ARGFX: variants seen among roughly 807,000 people sequenced by gnomAD.
The protein encoded by ARGFX is arginine-fifty homeobox.
ARGFX carries 10 observed loss-of-function variants against 8.0 expected under a neutral mutation model. That is an observed-to-expected ratio of 1.25 (90% confidence interval 0.77 to 2.12). The LOEUF is 2.12. Among genes scored for constraint, ARGFX ranks in the 30% most tolerant of loss-of-function variants. ARGFX has a pLI of 0.00. For synonymous variants in ARGFX, 116 were observed against 117.8 expected, an observed-to-expected ratio of 0.98 and a Z score of 0.10; for missense variants, 282 against 324.3, an observed-to-expected ratio of 0.87 and a Z score of 1.00.
intron 3 of ARGFX, among the ~76,000 whole-genome samples, chr3:121,581,861 C>G (rs956626733): frequency 4.6e-5 from 7 of 151,992 alleles, no homozygotes; most frequent in Admixed American, 1.3e-4. Flanking sequence ...TATAATCAAG[C>G]AACTGCACTG....
Position 121,570,787 on chromosome 3 carries a change from T to C in ARGFX, c.74T>C (p.Val25Ala), listed in dbSNP as rs529810537. The C allele has an allele frequency of 6.2e-7, 1 of 1,607,274 alleles. No individual in the cohort carries two copies. Among genetic ancestry groups the C allele is most frequent in the Non-Finnish European group, 8.5e-7 (1 of 1,177,156 alleles). Residue 25 changes from valine (V) to alanine (A), a missense_variant, in exon 2 of 5, where the codon GTG becomes GCG. Transcript: ENST00000334384. ...AATAGGAATTATTCCAACATGAAGGTGATACCACCACAGGATCCAGCTAGT... is the reference window on the plus strand; with the variant it reads ...AATAGGAATTATTCCAACATGAAGGCGATACCACCACAGGATCCAGCTAGT... ...FINRNYSNMK[V>A]IPPQDPASPS...
intron 3 of ARGFX, among the ~76,000 whole-genome samples, chr3:121,578,120 C>CTTTTTT (rs35072728): frequency 1.8e-5 from 2 of 113,078 alleles, no homozygotes; most frequent in Non-Finnish European, 3.5e-5. Flanking sequence ...CCCTACCCCA[C>CTTTTTT]TTTTTTTTTT....
chr3:121,585,008 T>C lies in ARGFX; in HGVS notation c.312T>C (p.Asp104=). Residue 104 remains aspartate, a synonymous_variant, in exon 4 of 5, where the codon GAT becomes GAC. Coordinates refer to ENST00000334384, the MANE Select transcript of ARGFX (RefSeq NM_001012659.2). ...EALFSQTMFP[D]RNLQEKLALR... ...TGTTTAGCCAGACCATGTTCCCAGA[T>C]AGAAATCTTCAGGAGAAACTAGCTT... 1.2e-6 allele frequency: 2 copies of C among 1,614,020 alleles called. No individual in the cohort carries two copies. The highest frequency in any genetic ancestry group is 1.7e-6 in the Non-Finnish European group (2 of 1,179,992).
In ARGFX at chr3:121,577,321, T is replaced by C. The variant is rs149317296; in HGVS notation, c.220+421T>C. ...CAGGCTGGAGTGCAGTGGCGTGGTC[T>C]TGGCTCACTGCAACCTCCACCTCCT... On this transcript the variant is annotated intron_variant, in intron 3 of 4. Transcript: ENST00000334384. Among the ~76,000 whole-genome samples the C allele has an allele frequency of 1.9e-4, 28 of 148,796 alleles. No homozygotes were observed. In the East Asian group the frequency reaches 4.8e-3, roughly 26 times the overall value.
Position 121,590,277 on chromosome 3 carries a change from G to A in ARGFX, c.*3677G>A, listed in dbSNP as rs6783657. ...TGAATGTGTCCCCCACAGCTCATGCGTTGGAAACTTAATCCCCAAAGCAAC... is the reference window on the plus strand; with the variant it reads ...TGAATGTGTCCCCCACAGCTCATGCATTGGAAACTTAATCCCCAAAGCAAC... On this transcript the variant is annotated 3_prime_UTR_variant, in exon 5 of 5. Coordinates refer to ENST00000334384, the MANE Select transcript of ARGFX (RefSeq NM_001012659.2). Among the ~76,000 whole-genome samples the A allele has an allele frequency of 0.1, 15,403 of 152,214 alleles. 1,679 individuals carry two copies. The highest frequency in any genetic ancestry group is 0.58 in the East Asian group (2,994 of 5,174).
In ARGFX at chr3:121,588,311, C is replaced by CAAAAA. The variant is rs756800220; in HGVS notation, c.*1727_*1731dup. On this transcript the variant is annotated 3_prime_UTR_variant, in exon 5 of 5. Coordinates refer to ENST00000334384, the MANE Select transcript of ARGFX (RefSeq NM_001012659.2). The stretch of plus-strand genomic sequence containing the variant: ...TGAAATCCCGTCTCTACTAAAAATA[C>CAAAAA]AAAAAAAAAAAAAAAAAAAAGCCAG... Among the ~76,000 whole-genome samples, 8 of 51,486 alleles carry CAAAAA rather than the reference C, an allele frequency of 1.6e-4. No individual in the cohort carries two copies. Among genetic ancestry groups the CAAAAA allele is most frequent in the Admixed American group, 5.5e-4 (2 of 3,606 alleles). 33.8% of individuals were successfully genotyped at this position (51,486 alleles called of 152,430 possible).
rs749911298 is a variant in ARGFX at position 121,589,108 on chromosome 3, G to A, written c.*2508G>A. On this transcript the variant is annotated 3_prime_UTR_variant, in exon 5 of 5. Transcript: ENST00000334384. ...GAGCATCCCTTGAGCCACAGAGGTCGAGGCTGCAGTGAGCTGTGACTGTGC... is the reference window on the plus strand; with the variant it reads ...GAGCATCCCTTGAGCCACAGAGGTCAAGGCTGCAGTGAGCTGTGACTGTGC... 2.0e-5 allele frequency among the ~76,000 whole-genome samples: 3 copies of A among 152,104 alleles called. No homozygotes were observed. The highest frequency in any genetic ancestry group is 4.8e-5 in the African/African-American group (2 of 41,420).
rs756800220 is a variant in ARGFX at position 121,588,311 on chromosome 3, C to CAAAAAAAAAAAAA, written c.*1719_*1731dup. ...TGAAATCCCGTCTCTACTAAAAATA[C>CAAAAAAAAAAAAA]AAAAAAAAAAAAAAAAAAAAGCCAG... On this transcript the variant is annotated 3_prime_UTR_variant, in exon 5 of 5. Coordinates refer to ENST00000334384, the MANE Select transcript of ARGFX (RefSeq NM_001012659.2). Among the ~76,000 whole-genome samples the CAAAAAAAAAAAAA allele has an allele frequency of 1.9e-5, 1 of 51,488 alleles. No individual in the cohort carries two copies. The highest frequency in any genetic ancestry group is 5.6e-5 in the African/African-American group (1 of 17,890). 33.8% of individuals were successfully genotyped at this position (51,488 alleles called of 152,430 possible).
In ARGFX at chr3:121,590,506, T is replaced by G. The variant is rs2048837790; in HGVS notation, c.*3906T>G. Among the ~76,000 whole-genome samples the G allele has an allele frequency of 1.3e-5, 2 of 148,370 alleles. No individual in the cohort carries two copies. The highest frequency in any genetic ancestry group is 1.5e-5 in the Non-Finnish European group (1 of 67,088). The stretch of plus-strand genomic sequence containing the variant: ...CTCTTACCTCCTCCTCTCCCTTCCT[T>G]CTGCCATGGGAGGATGAAACATGAA... On this transcript the variant is annotated 3_prime_UTR_variant, in exon 5 of 5. Transcript: ENST00000334384.
At position 121,585,031 on chromosome 3, in the gene ARGFX, C is replaced by G; in HGVS notation, c.335C>G (p.Ala112Gly). ...FPDRNLQEKL[A>G]LRLDLPESTV... The stretch of plus-strand genomic sequence containing the variant: ...GATAGAAATCTTCAGGAGAAACTAG[C>G]TTTGAGACTCGACCTACCGGAGTCA... Residue 112 changes from alanine to glycine, a missense_variant, in exon 4 of 5, where the codon GCT (alanine) becomes GGT (glycine). Transcript: ENST00000334384. 1 of 1,613,974 alleles carries G rather than the reference C, an allele frequency of 6.2e-7. No homozygotes were observed. Among genetic ancestry groups the G allele is most frequent in the Non-Finnish European group, 8.5e-7 (1 of 1,179,974 alleles).
intron 3 of ARGFX, among the ~76,000 whole-genome samples, chr3:121,577,169 A>G (rs1468865820): frequency 6.8e-6 from 1 of 147,510 alleles, no homozygotes; most frequent in Non-Finnish European, 1.5e-5. Flanking sequence ...GTTATAAAGA[A>G]AAGTGTGTTG....
At chr3:121,580,107 T>G (rs541853894) in intron 3 of ARGFX, among the ~76,000 whole-genome samples, 10 of 151,570 alleles carry the variant, frequency 6.6e-5, no homozygotes, top group Admixed American at 3.3e-4. Context: ...TGCGTGCCAC[T>G]ACACCCTTTT....
At chr3:121,574,187 T>A (rs2108835016) in intron 2 of ARGFX, among the ~76,000 whole-genome samples, 1 of 152,252 alleles carries the variant, frequency 6.6e-6, no homozygotes. Flanking sequence ...TAAATATATT[T>A]ACTGAAAGGT....
At chr3:121,584,300 AG>A (rs2048799218) in intron 3 of ARGFX, among the ~76,000 whole-genome samples, 1 of 152,108 alleles carries the variant, frequency 6.6e-6, no homozygotes. Context: ...AGCAAAGCAA[AG>A]AAAAGAGCCT....
intron 2 of ARGFX, among the ~76,000 whole-genome samples, chr3:121,575,656 G>A (rs2048731880): frequency 6.6e-6 from 1 of 152,130 alleles, no homozygotes; most frequent in South Asian, 2.1e-4. Context: ...CCTCATGCCT[G>A]TAATCCCAGC....
chr3:121,586,476 C>G lies in ARGFX; in HGVS notation c.824C>G (p.Ala275Gly). Residue 275 changes from alanine (A) to glycine (G), a missense_variant, in exon 5 of 5, where the codon GCT (alanine) becomes GGT (glycine). Transcript: ENST00000334384. ...GSSLSIFAGP[A>G]VGLSPAQTWP... The stretch of plus-strand genomic sequence containing the variant: ...TCTCTCAGCATCTTTGCTGGTCCAG[C>G]TGTAGGCCTATCTCCTGCACAAACC... 1 of 1,614,206 alleles carries G rather than the reference C, an allele frequency of 6.2e-7. No individual in the cohort carries two copies. Among genetic ancestry groups the G allele is most frequent in the South Asian group, 1.1e-5 (1 of 91,080 alleles).
At chr3:121,574,865 T>A (rs1014745139) in intron 2 of ARGFX, among the ~76,000 whole-genome samples, 2 of 152,158 alleles carry the variant, frequency 1.3e-5, no homozygotes, top group African/African-American at 4.8e-5. Flanking sequence ...AGAATGGTAA[T>A]GTGGAAATAG....
In ARGFX at chr3:121,576,821, G is replaced by A. The variant is rs780241902; in HGVS notation, c.141G>A (p.Thr47=). ...TATCCAAGCTGGAGTGCAGTGGCAC[G>A]GTCTCGGCTTACTGCAGCCTCAACC... ...TLLSKLECSG[T]VSAYCSLNLP... The change falls in exon 3 of 5, where the codon ACG becomes ACA. Residue 47 remains threonine (T), a synonymous_variant. Coordinates refer to ENST00000334384, the MANE Select transcript of ARGFX (RefSeq NM_001012659.2). 50 of 412,642 alleles carry A rather than the reference G, an allele frequency of 1.2e-4. No individual in the cohort carries two copies. The highest frequency in any genetic ancestry group is 1.9e-4 in the Non-Finnish European group (40 of 211,270). The allele number at this position is 412,642 out of a possible 1,614,324, so 25.6% of individuals were successfully genotyped here. A position where few individuals can be genotyped will look rare whatever the true frequency, so the allele number is the denominator to read the frequency against.
Position 121,586,287 on chromosome 3 carries a change from G to A in ARGFX, c.635G>A (p.Arg212Lys). Reference sequence around the variant, plus strand: ...CAAATGCAAGATACTCAGTGGGAGAGGCTGGTGGCCTCGGTTCCTGCTTTG... The same window carrying A: ...CAAATGCAAGATACTCAGTGGGAGAAGCTGGTGGCCTCGGTTCCTGCTTTG... ...DFQMQDTQWE[R>K]LVASVPALYS... The change falls in exon 5 of 5, where the codon AGG becomes AAG. Residue 212 changes from arginine (R) to lysine (K), a missense_variant. Coordinates refer to ENST00000334384, the MANE Select transcript of ARGFX (RefSeq NM_001012659.2). 1 of 1,614,212 alleles carries A rather than the reference G, an allele frequency of 6.2e-7. No homozygotes were observed. Among genetic ancestry groups the A allele is most frequent in the Non-Finnish European group, 8.5e-7 (1 of 1,180,042 alleles).
Sources: allele counts gnomAD v4.1 joint callset (sites outside exome capture counted in the v4.1 genomes callset), GRCh38; gene constraint gnomAD v4.1.1; transcripts MANE v1.5; gene names NCBI Gene and HGNC (gene_info 2026-07-23, HGNC 2026-07-21).